Variants in CNTLN observed in about 807,000 individuals in gnomAD.
CNTLN encodes centlein, also known as centlein, centrosomal protein.
In CNTLN, 212 loss-of-function variants were observed where a neutral mutation model predicts 180.0. That is an observed-to-expected ratio of 1.18 (90% confidence interval 1.05 to 1.32). The LOEUF (loss-of-function observed/expected upper bound fraction) is 1.32, where lower values mean the gene tolerates loss of function less well. Ranked by LOEUF, CNTLN falls within the 40% of genes most tolerant of loss-of-function variation. The pLI, the probability that CNTLN is intolerant of heterozygous loss-of-function variation, is 0.00. For missense variants in CNTLN, 2,095 were observed against 1,610.9 expected, an observed-to-expected ratio of 1.30 and a Z score of -5.14; for synonymous variants, 722 against 563.1, an observed-to-expected ratio of 1.28 and a Z score of -3.99.
intron 14 of CNTLN, among the ~76,000 whole-genome samples, chr9:17,390,063 C>G (rs908306690): frequency 6.6e-6 from 1 of 152,052 alleles, no homozygotes; most frequent in Non-Finnish European, 1.5e-5. Context: ...GAAACCAACC[C>G]TGCTGACACC....
At chr9:17,262,609 C>T (rs1287040045) in intron 5 of CNTLN, among the ~76,000 whole-genome samples, 1 of 151,130 alleles carries the variant, frequency 6.6e-6, no homozygotes, top group Non-Finnish European at 1.5e-5. Context: ...AGCATTACGA[C>T]AAATACCTAA....
chr9:17,322,381 A>G (rs1404694688), intron 8 of CNTLN, among the ~76,000 whole-genome samples: 3 of 152,142 alleles, frequency 2.0e-5, no homozygotes, highest in East Asian at 3.8e-4. Flanking sequence ...TGAACTTGTT[A>G]TCATTCAACT....
intron 2 of CNTLN, among the ~76,000 whole-genome samples, chr9:17,217,205 A>G (rs1017597002): frequency 3.9e-5 from 6 of 152,260 alleles, no homozygotes; most frequent in Non-Finnish European, 7.3e-5. Context: ...TAAAAATTTA[A>G]TCTTTATACA....
intron 5 of CNTLN, among the ~76,000 whole-genome samples, chr9:17,270,148 T>C (rs1256352441): frequency 6.6e-6 from 1 of 152,108 alleles, no homozygotes; most frequent in East Asian, 1.9e-4. Flanking sequence ...TCCCTTCTCT[T>C]AGTATATTAC....
chr9:17,282,208 A>T (rs563523870), intron 6 of CNTLN, among the ~76,000 whole-genome samples: 317 of 152,154 alleles, frequency 2.1e-3, no homozygotes, highest in South Asian at 0.012. Context: ...TGATCTACCC[A>T]CCTCAGCCTC....
At chr9:17,160,927 C>T (rs530303276) in intron 2 of CNTLN, among the ~76,000 whole-genome samples, 3 of 151,884 alleles carry the variant, frequency 2.0e-5, no homozygotes, top group Non-Finnish European at 4.4e-5. Flanking sequence ...ATTGTCAGAC[C>T]CTCTGAAAAA....
intron 5 of CNTLN, among the ~76,000 whole-genome samples, chr9:17,265,975 T>G (rs913957667): frequency 6.6e-6 from 1 of 152,110 alleles, no homozygotes; most frequent in African/African-American, 2.4e-5. Context: ...TTTGTTGATC[T>G]TTTCAAAAAA....
intron 7 of CNTLN, among the ~76,000 whole-genome samples, chr9:17,308,607 G>T (rs142028348): frequency 1.3e-5 from 2 of 151,576 alleles, no homozygotes; most frequent in Admixed American, 1.3e-4. Context: ...CTTTCCTATC[G>T]TTGTACATAA....
chr9:17,242,317 CT>C (rs1192100148), intron 5 of CNTLN, among the ~76,000 whole-genome samples: 7 of 92,710 alleles, frequency 7.6e-5, no homozygotes, highest in African/African-American at 5.4e-4. Context: ...TTTTTTTTTC[CT>C]TTTGTCTTTG....
intron 18 of CNTLN, among the ~76,000 whole-genome samples, chr9:17,420,428 G>T (rs1382542961): frequency 6.6e-6 from 1 of 151,960 alleles, no homozygotes; most frequent in African/African-American, 2.4e-5. Flanking sequence ...TTTCACCTCT[G>T]ATATTATTTG....
intron 12 of CNTLN, among the ~76,000 whole-genome samples, chr9:17,359,392 G>T (rs993908253): frequency 2.0e-5 from 3 of 151,808 alleles, no homozygotes; most frequent in African/African-American, 7.3e-5. Flanking sequence ...TTAAAACCAA[G>T]AACTTAATGT....
chr9:17,454,128 G>A (rs989594735), intron 18 of CNTLN, among the ~76,000 whole-genome samples: 2 of 152,208 alleles, frequency 1.3e-5, no homozygotes, highest in Non-Finnish European at 2.9e-5. Flanking sequence ...TTATACTGAA[G>A]AGTAAGTTTT....
chr9:17,218,730 A>T (rs914701274), intron 2 of CNTLN, among the ~76,000 whole-genome samples: 1 of 152,184 alleles, frequency 6.6e-6, no homozygotes, highest in African/African-American at 2.4e-5. Context: ...CTGTAAATCA[A>T]AAATAACCAA....
chr9:17,513,006 G>A, the CNTLN span, among the ~76,000 whole-genome samples: 6 of 151,916 alleles, frequency 3.9e-5, no homozygotes, highest in African/African-American at 1.5e-4. Flanking sequence ...TTTTAGTAGA[G>A]ATGGGGGTTT....
chr9:17,432,547 T>C (rs1391315115), intron 18 of CNTLN, among the ~76,000 whole-genome samples: 1 of 152,116 alleles, frequency 6.6e-6, no homozygotes, highest in African/African-American at 2.4e-5. Context: ...TGTCATTAAT[T>C]AGGACTCCTG....
rs75170349 is a variant in CNTLN at position 17,175,629 on chromosome 9, C to G, written c.449+32253C>G. 1.6e-4 allele frequency among the ~76,000 whole-genome samples: 25 copies of G among 152,106 alleles called. No homozygotes were observed. In the East Asian group the frequency reaches 4.3e-3, roughly 26 times the overall value. ...CAAAATTGTTTTAGATATTTCAGTC[C>G]TGTGCTTTTCCATGAAGTTTAGAAG... is the stretch of plus-strand genomic sequence containing the variant. On this transcript the variant is annotated intron_variant, in intron 2 of 25. Coordinates refer to ENST00000380647, the MANE Select transcript of CNTLN (RefSeq NM_017738.4).
intron 25 of CNTLN, 40 bp downstream of exon 25, chr9:17,487,106 A>T: frequency 7.5e-7 from 1 of 1,325,248 alleles, no homozygotes; most frequent in Non-Finnish European, 1.1e-6. Flanking sequence ...GCTTCCAAAT[A>T]AGAATTCCAA....
In CNTLN at chr9:17,409,325, T is replaced by C. The variant is rs571641532; in HGVS notation, c.2648T>C (p.Leu883Ser). Residue 883 changes from leucine to serine, a missense_variant, in exon 16 of 26, where the codon TTG (leucine) becomes TCG (serine). Physicochemically the swap from Leu to Ser is moderately radical, Grantham distance 145. Coordinates refer to ENST00000380647, the MANE Select transcript of CNTLN (RefSeq NM_017738.4). ...SDSEAQTSQT[L>S]GTIIVETSQK... ...TCTGAAGCACAGACCTCTCAAACTT[T>C]GGGAACAATTATTGTAGAAACATCC... 6.2e-7 allele frequency: 1 copy of C among 1,612,890 alleles called. No individual in the cohort carries two copies. Among genetic ancestry groups the C allele is most frequent in the East Asian group, 2.2e-5 (1 of 44,736 alleles).
chr9:17,491,079 T>G (rs1719986459), intron 25 of CNTLN, among the ~76,000 whole-genome samples: 1 of 152,126 alleles, frequency 6.6e-6, no homozygotes, highest in Non-Finnish European at 1.5e-5. Context: ...TTATCTGTTC[T>G]GCCCATTCTG....
Sources: gnomAD v4.1 joint callset for allele counts (sites outside exome capture counted in the v4.1 genomes callset) on GRCh38, gnomAD v4.1.1 for gene constraint, MANE v1.5 for transcripts, NCBI Gene and HGNC (gene_info 2026-07-23, HGNC 2026-07-21) for gene names.